Variants in ZP3 observed in about 807,000 individuals in gnomAD.
ZP3 encodes zona pellucida glycoprotein 3.
A neutral mutation model predicts 35.6 loss-of-function variants in ZP3; 21 were observed. The ratio of observed to expected loss-of-function variants is 0.59; its 90% CI spans 0.42 to 0.85. ZP3 has a LOEUF of 0.85. Ranked by LOEUF, ZP3 falls within the 40% of genes least tolerant of loss-of-function variation. The pLI, the probability that ZP3 is intolerant of heterozygous loss-of-function variation, is 0.00. For missense variants in ZP3, 437 were observed against 536.5 expected, an observed-to-expected ratio of 0.81 and a Z score of 1.83; for synonymous variants, 207 against 214.5, an observed-to-expected ratio of 0.96 and a Z score of 0.31.
intron 2 of ZP3, among the ~76,000 whole-genome samples, chr7:76,430,894 G>A (rs1425261318): frequency 1.3e-5 from 2 of 152,200 alleles, no homozygotes; most frequent in East Asian, 1.9e-4. Context: ...GCAGAGCCAT[G>A]TGGCCACACA....
chr7:76,421,198 T>A (rs140604076), upstream of ZP3, among the ~76,000 whole-genome samples: 6 of 152,178 alleles, frequency 3.9e-5, no homozygotes, highest in Non-Finnish European at 7.4e-5. Flanking sequence ...CCTCCCAAAG[T>A]GCTGGGATGA....
At chr7:76,438,089 TCTG>T (rs2115940269) in intron 5 of ZP3, among the ~76,000 whole-genome samples, 1 of 152,376 alleles carries the variant, frequency 6.6e-6, no homozygotes, top group Admixed American at 6.5e-5. Context: ...CTCTGAGGCT[TCTG>T]CTGGAAGGTG....
rs559080629 is a variant in ZP3 at position 76,399,489 on chromosome 7, G to T, written c.-67+1692G>T. 2.6e-5 allele frequency among the ~76,000 whole-genome samples: 4 copies of T among 152,162 alleles called. No homozygotes were observed. In the South Asian group the frequency reaches 8.3e-4, roughly 32 times the overall value. ...AGCACTGCTCTCAGTTTCCGCTGCA[G>T]CTCTATGCCACGTGGAGCGCATGGC... On this transcript the variant is annotated intron_variant, in intron 1 of 8. Transcript: ENST00000336517.
chr7:76,434,122 T>C lies in ZP3; in HGVS notation c.798T>C (p.Asp266=), dbSNP rs558532708. The change falls in exon 5 of 8, where the codon GAT becomes GAC. Residue 266 remains aspartate (D), a synonymous_variant. Coordinates refer to ENST00000394857, the MANE Select transcript of ZP3 (RefSeq NM_001110354.2). ...PGPDTLQFTV[D]VFHFANDSRN... Reference sequence around the variant, plus strand: ...CAGATACACTCCAGTTCACAGTGGATGTCTTCCACTTTGCTAATGACTCCA... The same window carrying C: ...CAGATACACTCCAGTTCACAGTGGACGTCTTCCACTTTGCTAATGACTCCA... The C allele has an allele frequency of 7.4e-7, 1 of 1,355,574 alleles. No homozygotes were observed. The highest frequency in any genetic ancestry group is 2.4e-5 in the East Asian group (1 of 41,614). 84.0% of individuals were successfully genotyped at this position (1,355,574 alleles called of 1,614,324 possible). A position where few individuals can be genotyped will look rare whatever the true frequency, so the allele number is the denominator to read the frequency against.
At chr7:76,440,827 C>T (rs1806176490) in intron 7 of ZP3, among the ~76,000 whole-genome samples, 1 of 152,022 alleles carries the variant, frequency 6.6e-6, no homozygotes. Context: ...TGCTGTCATC[C>T]TAGGCTTCTA....
chr7:76,407,479 G>T (rs1363242739), intron 1 of ZP3, among the ~76,000 whole-genome samples: 2 of 152,084 alleles, frequency 1.3e-5, no homozygotes, highest in East Asian at 3.9e-4. Context: ...TTACAGGCGG[G>T]TATCACCACG....
intron 7 of ZP3, 64 bp from the exon 8 acceptor site, chr7:76,441,778 A>T: frequency 6.2e-7 from 1 of 1,605,210 alleles, no homozygotes; most frequent in African/African-American, 1.3e-5. Context: ...GCAGAATAAA[A>T]CCTCCAACCC....
At chr7:76,398,664 G>A in intron 1 of ZP3, 5 of 1,538,514 alleles carry the variant, frequency 3.2e-6, no homozygotes, top group South Asian at 1.1e-5. Context: ...CCTAGGGTAG[G>A]GTGTGAGAGA....
chr7:76,398,626 T>C, intron 1 of ZP3: 4 of 1,385,326 alleles, frequency 2.9e-6, no homozygotes, highest in Non-Finnish European at 4.1e-6. Context: ...CTTTACATCT[T>C]CAATTTGTAA....
At position 76,438,538 on chromosome 7, in the gene ZP3, G is replaced by GGA. The variant is rs1554626485; in HGVS notation, c.832-1712_832-1711insGA. On this transcript the variant is annotated intron_variant, in intron 5 of 7. Coordinates refer to ENST00000394857, the MANE Select transcript of ZP3 (RefSeq NM_001110354.2). Reference sequence around the variant, plus strand: ...TGGACTAGAGACAGACTCCGTCTCAGAAAAAAAAAAAAAAAAAAAGGGTAG... The same window carrying GGA: ...TGGACTAGAGACAGACTCCGTCTCAGGAAAAAAAAAAAAAAAAAAAAGGGTAG... 2.5e-3 allele frequency among the ~76,000 whole-genome samples: 222 copies of GGA among 88,570 alleles called. 1 individual carries two copies. Among genetic ancestry groups the GGA allele is most frequent in the African/African-American group, 0.011 (205 of 18,390 alleles). 58.1% of individuals were successfully genotyped at this position (88,570 alleles called of 152,430 possible).
In ZP3 at chr7:76,425,147, C is replaced by T. The variant is rs762892301; in HGVS notation, c.183C>T (p.Gly61=). Residue 61 remains glycine (G), a synonymous_variant, in exon 1 of 8, where the codon GGC becomes GGT. Transcript: ENST00000394857. Reference sequence around the variant, plus strand: ...TCATGGTCAGCAAAGACCTTTTTGGCACCGGGAAGCTCATCAGGGCTGCTG... The same window carrying T: ...TCATGGTCAGCAAAGACCTTTTTGGTACCGGGAAGCTCATCAGGGCTGCTG... ...LMVMVSKDLF[G]TGKLIRAADL... The T allele has an allele frequency of 2.5e-6, 4 of 1,613,956 alleles. No homozygotes were observed. Among genetic ancestry groups the T allele is most frequent in the Non-Finnish European group, 3.4e-6 (4 of 1,180,016 alleles).
chr7:76,435,406 C>T (rs1338191747), intron 5 of ZP3, among the ~76,000 whole-genome samples: 28 of 152,230 alleles, frequency 1.8e-4, no homozygotes, highest in Non-Finnish European at 4.0e-4. Flanking sequence ...CCGCCTGCCT[C>T]GGTCTCCCAA....
chr7:76,419,787 T>A, intron 1 of ZP3, among the ~76,000 whole-genome samples: 2 of 119,410 alleles, frequency 1.7e-5, no homozygotes, highest in South Asian at 3.2e-4. Context: ...CTCCTCCTCC[T>A]CCTCCCCCTC....
intron 1 of ZP3, among the ~76,000 whole-genome samples, chr7:76,406,281 G>A (rs1034751917): frequency 6.6e-6 from 1 of 152,120 alleles, no homozygotes; most frequent in African/African-American, 2.4e-5. Context: ...CCTGGTCTGT[G>A]CATTCGAAAT....
intron 2 of ZP3, among the ~76,000 whole-genome samples, chr7:76,431,140 C>T: frequency 6.6e-6 from 1 of 152,178 alleles, no homozygotes; most frequent in East Asian, 1.9e-4. Context: ...TTCAATGAGG[C>T]CTGACCCATG....
chr7:76,425,346 C>T (rs775963190), intron 1 of ZP3, 70 bp downstream of exon 1: 1 of 1,491,968 alleles, frequency 6.7e-7, no homozygotes, highest in Non-Finnish European at 9.0e-7. Flanking sequence ...GGACTGTGGC[C>T]ACCATCGGTG....
intron 1 of ZP3, chr7:76,400,482 G>A (rs368490025): frequency 3.0e-5 from 48 of 1,606,518 alleles, no homozygotes; most frequent in Admixed American, 2.0e-4. Context: ...GACACACTAC[G>A]TTGGCGTCCA....
intron 1 of ZP3, among the ~76,000 whole-genome samples, chr7:76,417,338 C>CGT (rs1805401642): frequency 6.6e-6 from 1 of 152,042 alleles, no homozygotes; most frequent in South Asian, 2.1e-4. Context: ...GGATTACAGG[C>CGT]GTGAGCCACC....
At chr7:76,409,603 G>C (rs1805179523) in intron 1 of ZP3, 1 of 152,384 alleles carries the variant, frequency 6.6e-6, no homozygotes, top group Non-Finnish European at 1.5e-5. Flanking sequence ...GGAGCTGGCT[G>C]GTGGCCCCAG....
Sources: gnomAD v4.1 joint callset for allele counts (sites outside exome capture counted in the v4.1 genomes callset) on GRCh38, gnomAD v4.1.1 for gene constraint, MANE v1.5 for transcripts, NCBI Gene and HGNC (gene_info 2026-07-23, HGNC 2026-07-21) for gene names.